The following ZNF148 variants were observed in gnomAD, a reference collection of about 807,000 sequenced individuals.
ZNF148 encodes zinc finger protein 148.
ZNF148 carries 7 observed loss-of-function variants against 67.7 expected under a neutral mutation model. That is an observed-to-expected ratio of 0.10 (90% confidence interval 0.06 to 0.19). The LOEUF (loss-of-function observed/expected upper bound fraction) is 0.19. Among genes scored for constraint, ZNF148 ranks in the 10% least tolerant of loss-of-function variants. The pLI is 1.00. For synonymous variants in ZNF148, 333 were observed against 330.7 expected (o/e 1.01, Z -0.08); for missense variants, 583 against 947.1 (o/e 0.62, Z 5.05).
chr3:125,243,932 C>T (rs1184692533), intron 7 of ZNF148, among the ~76,000 whole-genome samples: 1 of 152,194 alleles, frequency 6.6e-6, no homozygotes, highest in East Asian at 1.9e-4. Context: ...ATCCCTTTAT[C>T]ATTTTTCCCC....
In ZNF148 at chr3:125,232,513, T is replaced by C. The variant is rs979849544; in HGVS notation, c.2213A>G (p.His738Arg). The C allele has an allele frequency of 6.2e-7, 1 of 1,613,648 alleles. No homozygotes were observed. Among genetic ancestry groups the C allele is most frequent in the Non-Finnish European group, 8.5e-7 (1 of 1,179,718 alleles). The change falls in exon 9 of 9, where the codon CAT (histidine) becomes CGT (arginine). Residue 738 changes from histidine (H) to arginine (R), a missense_variant. His to Arg is a conservative substitution (Grantham distance 29, BLOSUM62 0). Coordinates refer to ENST00000360647, the MANE Select transcript of ZNF148 (RefSeq NM_021964.3). This position sits in a 1 kb window ranked among gnomAD's most constrained non-coding sequence, Gnocchi z 4.2. ...SFEQPFRAPY[H>R]GSRAGIATQF... ...AGTAGCTATTCCAGCTCTTGATCCA[T>C]GATAGGGAGCACGGAAGGGCTGTTC...
At chr3:125,245,034 A>T (rs1936533798) in intron 7 of ZNF148, among the ~76,000 whole-genome samples, 1 of 152,158 alleles carries the variant, frequency 6.6e-6, no homozygotes, top group African/African-American at 2.4e-5. Flanking sequence ...GCATGAAGGG[A>T]AGCCCATCTA....
intron 1 of ZNF148, among the ~76,000 whole-genome samples, chr3:125,348,196 C>T (rs775687124): frequency 4.6e-5 from 7 of 151,830 alleles, no homozygotes; most frequent in Non-Finnish European, 7.4e-5. Flanking sequence ...GAGATCAAGG[C>T]TGCAGTGAGC....
chr3:125,250,959 G>A (rs1323020283), intron 7 of ZNF148, among the ~76,000 whole-genome samples: 2 of 151,964 alleles, frequency 1.3e-5, no homozygotes, highest in Non-Finnish European at 2.9e-5. Flanking sequence ...AAGATCCCTC[G>A]CTTATCACCC....
At chr3:125,290,761 A>G (rs1398073960) in intron 4 of ZNF148, among the ~76,000 whole-genome samples, 1 of 152,138 alleles carries the variant, frequency 6.6e-6, no homozygotes, top group African/African-American at 2.4e-5. Flanking sequence ...GTTCTGATGC[A>G]TTACCAAAAA....
At chr3:125,301,431 TC>T (rs1389539058) in intron 4 of ZNF148, among the ~76,000 whole-genome samples, 1 of 152,174 alleles carries the variant, frequency 6.6e-6, no homozygotes, top group Non-Finnish European at 1.5e-5. Context: ...CCAAAATAAA[TC>T]CTGAAAATTG....
chr3:125,251,762 T>G (rs1936851294), intron 7 of ZNF148, among the ~76,000 whole-genome samples: 1 of 152,214 alleles, frequency 6.6e-6, no homozygotes, highest in East Asian at 1.9e-4. Context: ...CAAGGCTGCT[T>G]AAATGTTCTT....
At chr3:125,288,330 C>T (rs1311041882) in intron 4 of ZNF148, 102 bp from the exon 5 acceptor site, 2 of 1,241,474 alleles carry the variant, frequency 1.6e-6, no homozygotes, top group African/African-American at 3.0e-5. Flanking sequence ...CATACAGGTG[C>T]TTCCAGAATG....
chr3:125,278,161 G>A (rs1938173577), intron 6 of ZNF148, among the ~76,000 whole-genome samples: 2 of 152,148 alleles, frequency 1.3e-5, no homozygotes, highest in South Asian at 4.1e-4. Context: ...TTATCTGGAA[G>A]AAGGTGCGCC....
At chr3:125,290,540 T>A (rs1053645750) in intron 4 of ZNF148, among the ~76,000 whole-genome samples, 3 of 152,180 alleles carry the variant, frequency 2.0e-5, no homozygotes, top group Admixed American at 6.5e-5. Context: ...GTTTTGATAT[T>A]TTAAAGTAAG....
chr3:125,248,437 A>G (rs1579613571), intron 7 of ZNF148, among the ~76,000 whole-genome samples: 1 of 152,322 alleles, frequency 6.6e-6, no homozygotes, highest in East Asian at 1.9e-4. Context: ...GTCCCCTTAA[A>G]AGAAACCCAT....
chr3:125,265,997 G>A (rs932928091), intron 7 of ZNF148, among the ~76,000 whole-genome samples: 1 of 151,936 alleles, frequency 6.6e-6, no homozygotes, highest in African/African-American at 2.4e-5. Context: ...AATGATAAAG[G>A]GTTCAATTCA....
intron 1 of ZNF148, among the ~76,000 whole-genome samples, chr3:125,347,418 A>ACATTCTGAT (rs1941986925): frequency 6.6e-6 from 1 of 152,232 alleles, no homozygotes; most frequent in Non-Finnish European, 1.5e-5. Context: ...AAGGATGCAT[A>ACATTCTGAT]CATTCTGATT....
At chr3:125,241,513 A>C (rs1936359550) in intron 7 of ZNF148, among the ~76,000 whole-genome samples, 1 of 152,140 alleles carries the variant, frequency 6.6e-6, no homozygotes, top group African/African-American at 2.4e-5. Context: ...CAAAGATAGC[A>C]TATTTAATTC....
chr3:125,269,954 A>G (rs1429472397), intron 7 of ZNF148, among the ~76,000 whole-genome samples: 1 of 152,094 alleles, frequency 6.6e-6, no homozygotes, highest in Non-Finnish European at 1.5e-5. Context: ...AGGGACTCCA[A>G]AAGGAAGAAG....
In ZNF148 at chr3:125,257,889, C is replaced by T. The variant is rs28530557; in HGVS notation, c.667+19837G>A. 5.5e-3 allele frequency among the ~76,000 whole-genome samples: 841 copies of T among 152,258 alleles called. 7 individuals carry two copies. The highest frequency in any genetic ancestry group is 0.019 in the African/African-American group (795 of 41,546). On this transcript the variant is annotated intron_variant, in intron 7 of 8. Coordinates refer to ENST00000360647, the MANE Select transcript of ZNF148 (RefSeq NM_021964.3). The stretch of plus-strand genomic sequence containing the variant: ...TGTTACTCATTTCCTATTCTGCCTC[C>T]TTCACCTTCCCTACCTTTATAGTGT...
At chr3:125,302,693 T>C (rs1939657927) in intron 4 of ZNF148, among the ~76,000 whole-genome samples, 2 of 152,222 alleles carry the variant, frequency 1.3e-5, no homozygotes, top group South Asian at 2.1e-4. Flanking sequence ...GACACTGAAG[T>C]TGTTTTAGAA....
intron 1 of ZNF148, among the ~76,000 whole-genome samples, chr3:125,365,982 T>C (rs1179183702): frequency 6.6e-6 from 1 of 152,166 alleles, no homozygotes; most frequent in East Asian, 1.9e-4. Flanking sequence ...GTCTTTTTGT[T>C]TTCTAACTGG....
At chr3:125,328,339 T>C (rs1941120635) in intron 2 of ZNF148, among the ~76,000 whole-genome samples, 1 of 152,138 alleles carries the variant, frequency 6.6e-6, no homozygotes, top group African/African-American at 2.4e-5. Context: ...AAACTTCTAT[T>C]GGGCAAAATA....
Sources: allele counts gnomAD v4.1 joint callset (sites outside exome capture counted in the v4.1 genomes callset), GRCh38; gene constraint gnomAD v4.1.1; non-coding constraint Gnocchi (gnomAD v3.1); transcripts MANE v1.5; gene names NCBI Gene and HGNC (gene_info 2026-07-23, HGNC 2026-07-21).